DNM3: variants seen among roughly 807,000 people sequenced by gnomAD.
DNM3 encodes the protein dynamin-3.
DNM3 carries 47 observed loss-of-function variants against 101.6 expected under a neutral mutation model. The observed-to-expected ratio is 0.46, with a 90% confidence interval of 0.37 to 0.59. DNM3 has a LOEUF of 0.59. Among genes scored for constraint, DNM3 ranks in the 20% least tolerant of loss-of-function variants. The pLI, the probability that DNM3 is intolerant of heterozygous loss-of-function variation, is 0.00. For synonymous variants in DNM3, 385 were observed against 387.9 expected (o/e 0.99, Z 0.09); for missense variants, 849 against 1,085.7 (o/e 0.78, Z 3.06).
chr1:172,303,236 C>G (rs1389378570), intron 15 of DNM3, among the ~76,000 whole-genome samples: 1 of 152,082 alleles, frequency 6.6e-6, no homozygotes, highest in Non-Finnish European at 1.5e-5. Context: ...ATGATGCATG[C>G]ACAAGCTTCA....
chr1:172,007,139 A>G (rs1172125362), intron 4 of DNM3, among the ~76,000 whole-genome samples: 1 of 152,072 alleles, frequency 6.6e-6, no homozygotes, highest in Non-Finnish European at 1.5e-5. Context: ...CAAGTTTTCC[A>G]TGTTCATATG....
intron 4 of DNM3, among the ~76,000 whole-genome samples, chr1:172,008,602 T>C (rs902210148): frequency 3.7e-4 from 55 of 150,008 alleles, no homozygotes; most frequent in African/African-American, 1.2e-3. Flanking sequence ...TTTTTGTATA[T>C]GGTGTGAAGT....
At chr1:172,191,177 T>C (rs1047047545) in intron 14 of DNM3, among the ~76,000 whole-genome samples, 2 of 152,214 alleles carry the variant, frequency 1.3e-5, no homozygotes, top group African/African-American at 4.8e-5. Flanking sequence ...TTTAACCATC[T>C]TGAATTGATT....
At position 172,412,220 on chromosome 1, in the gene DNM3, T is replaced by C. The variant is rs1484383874; in HGVS notation, c.*4379T>C. 1 of 985,412 alleles carries C rather than the reference T, an allele frequency of 1.0e-6. No individual in the cohort carries two copies. The highest frequency in any genetic ancestry group is 1.7e-5 in the African/African-American group (1 of 57,228). 61.0% of individuals were successfully genotyped at this position (985,412 alleles called of 1,614,324 possible). A position where few individuals can be genotyped will look rare whatever the true frequency, so the allele number is the denominator to read the frequency against. On this transcript the variant is annotated 3_prime_UTR_variant, in exon 21 of 21. Coordinates refer to ENST00000627582, the MANE Select transcript of DNM3 (RefSeq NM_015569.5). Reference sequence around the variant, plus strand: ...GCTCAACTCAAGTCATTAATCTCTTTTTAATTTTTACTCTTGAATTCCTTA... The same window carrying C: ...GCTCAACTCAAGTCATTAATCTCTTCTTAATTTTTACTCTTGAATTCCTTA...
chr1:172,186,375 A>G (rs1408713334), intron 14 of DNM3, among the ~76,000 whole-genome samples: 4 of 144,936 alleles, frequency 2.8e-5, no homozygotes, highest in African/African-American at 9.8e-5. Flanking sequence ...ACCCTGTGTC[A>G]GTTGCTGTTT....
At chr1:172,295,712 A>T (rs1183186592) in intron 15 of DNM3, among the ~76,000 whole-genome samples, 1 of 152,218 alleles carries the variant, frequency 6.6e-6, no homozygotes, top group Non-Finnish European at 1.5e-5. Context: ...TGATAAAACT[A>T]AGGCTAAGCA....
At chr1:172,027,077 T>C (rs114377850) in intron 4 of DNM3, among the ~76,000 whole-genome samples, 2,322 of 152,256 alleles carry the variant, frequency 0.015, 57 homozygotes, top group African/African-American at 0.053. Flanking sequence ...TGCCTTACTC[T>C]TAAGAGCTCC....
At chr1:171,889,050 GCA>G (rs2037027253) in intron 1 of DNM3, among the ~76,000 whole-genome samples, 2 of 152,148 alleles carry the variant, frequency 1.3e-5, no homozygotes, top group South Asian at 4.1e-4. Context: ...TGCAATCACG[GCA>G]CACTGTAGCC....
At chr1:171,876,067 G>A (rs1251307267) in intron 1 of DNM3, among the ~76,000 whole-genome samples, 4 of 151,840 alleles carry the variant, frequency 2.6e-5, no homozygotes, top group African/African-American at 7.3e-5. Flanking sequence ...CCTCGGCCTC[G>A]CAAAGTCCTG....
chr1:172,305,270 C>G (rs980733031), intron 15 of DNM3, among the ~76,000 whole-genome samples: 5 of 152,144 alleles, frequency 3.3e-5, no homozygotes, highest in Non-Finnish European at 5.9e-5. Flanking sequence ...CACAAATAAA[C>G]TAGAAAATCT....
At chr1:172,182,150 T>C (rs1219553729) in intron 14 of DNM3, among the ~76,000 whole-genome samples, 1 of 151,478 alleles carries the variant, frequency 6.6e-6, no homozygotes, top group Non-Finnish European at 1.5e-5. Flanking sequence ...TGAAGTCTGG[T>C]CAAGAGGAAA....
chr1:172,204,916 T>C (rs2060274052), intron 14 of DNM3, among the ~76,000 whole-genome samples: 1 of 152,154 alleles, frequency 6.6e-6, no homozygotes, highest in Admixed American at 6.6e-5. Flanking sequence ...CATGGGACAG[T>C]GTTTTACAAG....
At chr1:171,914,609 A>C (rs2039567948) in intron 1 of DNM3, among the ~76,000 whole-genome samples, 1 of 152,106 alleles carries the variant, frequency 6.6e-6, no homozygotes, top group South Asian at 2.1e-4. Flanking sequence ...AATTTGGTGA[A>C]TATATTTGGG....
intron 13 of DNM3, among the ~76,000 whole-genome samples, chr1:172,122,448 A>G (rs747935884): frequency 6.6e-6 from 1 of 152,138 alleles, no homozygotes; most frequent in Non-Finnish European, 1.5e-5. Context: ...AACTGACCCA[A>G]TGTCACCCAG....
At chr1:172,165,208 T>C (rs1185960164) in intron 14 of DNM3, among the ~76,000 whole-genome samples, 1 of 152,120 alleles carries the variant, frequency 6.6e-6, no homozygotes, top group Non-Finnish European at 1.5e-5. Flanking sequence ...GGAAACTCTC[T>C]ACTATTCTTC....
At chr1:172,325,539 A>AAG (rs397962906) in intron 17 of DNM3, among the ~76,000 whole-genome samples, 1 of 151,696 alleles carries the variant, frequency 6.6e-6, no homozygotes, top group Non-Finnish European at 1.5e-5. Flanking sequence ...ATAAAAAAAA[A>AAG]GCCTCCTCAA....
chr1:172,056,463 G>A (rs1354718657), intron 10 of DNM3, among the ~76,000 whole-genome samples: 4 of 152,190 alleles, frequency 2.6e-5, no homozygotes, highest in Non-Finnish European at 5.9e-5. Flanking sequence ...TTTGAAGAGA[G>A]CAGTGGTTCT....
intron 1 of DNM3, among the ~76,000 whole-genome samples, chr1:171,847,774 T>C (rs938877205): frequency 6.6e-6 from 1 of 152,062 alleles, no homozygotes; most frequent in African/African-American, 2.4e-5. Flanking sequence ...GAATGAATTG[T>C]TTAGAATGGG....
intron 1 of DNM3, among the ~76,000 whole-genome samples, chr1:171,892,815 A>T (rs1485181828): frequency 6.6e-6 from 1 of 152,074 alleles, no homozygotes; most frequent in Non-Finnish European, 1.5e-5. Flanking sequence ...TAGTTGACCT[A>T]AGGCGCATGC....
Sources: allele counts gnomAD v4.1 joint callset (sites outside exome capture counted in the v4.1 genomes callset), GRCh38; gene constraint gnomAD v4.1.1; transcripts MANE v1.5; gene names NCBI Gene and HGNC (gene_info 2026-07-23, HGNC 2026-07-21).